The following GPC5 variants were observed in gnomAD, a reference collection of about 807,000 sequenced individuals.
The protein encoded by GPC5 is glypican 5.
In GPC5, 47 loss-of-function variants were observed where a neutral mutation model predicts 53.9. That is an observed-to-expected ratio of 0.87 (90% CI 0.69 to 1.11). The LOEUF (loss-of-function observed/expected upper bound fraction) is 1.11, where lower values mean the gene tolerates loss of function less well. GPC5 is among the 50% of genes most tolerant of loss of function. GPC5 has a pLI of 0.00. For synonymous variants in GPC5, 286 were observed against 263.3 expected, an observed-to-expected ratio of 1.09 and a Z score of -0.84; for missense variants, 748 against 713.1, an observed-to-expected ratio of 1.05 and a Z score of -0.56.
intron 7 of GPC5, among the ~76,000 whole-genome samples, chr13:92,733,869 C>G (rs757419946): frequency 4.0e-5 from 6 of 151,612 alleles, no homozygotes; most frequent in Non-Finnish European, 8.9e-5. Context: ...AAATATGTCT[C>G]TATGCATTTT....
intron 2 of GPC5, among the ~76,000 whole-genome samples, chr13:91,630,814 G>C (rs1282331496): frequency 6.6e-6 from 1 of 152,050 alleles, no homozygotes; most frequent in Admixed American, 6.6e-5. Context: ...AAAGAAAGGG[G>C]GTCAAGAAGG....
At chr13:92,828,214 G>A (rs1276392906) in intron 7 of GPC5, among the ~76,000 whole-genome samples, 3 of 151,966 alleles carry the variant, frequency 2.0e-5, no homozygotes, top group African/African-American at 4.8e-5. Flanking sequence ...AGACGACTAC[G>A]TAGATTACAC....
At chr13:92,004,090 G>T (rs935368784) in intron 6 of GPC5, among the ~76,000 whole-genome samples, 1 of 152,022 alleles carries the variant, frequency 6.6e-6, no homozygotes, top group African/African-American at 2.4e-5. Flanking sequence ...TCAAGATTTT[G>T]TTACTGTAAA....
At chr13:91,625,870 A>T (rs544268745) in intron 2 of GPC5, among the ~76,000 whole-genome samples, 1 of 152,192 alleles carries the variant, frequency 6.6e-6, no homozygotes, top group South Asian at 2.1e-4. Flanking sequence ...TGGTATGTGA[A>T]CTTAAATATT....
chr13:92,727,348 C>G (rs932956907), intron 7 of GPC5, among the ~76,000 whole-genome samples: 13 of 151,446 alleles, frequency 8.6e-5, no homozygotes, highest in Non-Finnish European at 1.6e-4. Flanking sequence ...GTAACCAAAG[C>G]CAGATGTTGG....
chr13:91,635,748 A>G (rs1388814580), intron 2 of GPC5, among the ~76,000 whole-genome samples: 1 of 152,054 alleles, frequency 6.6e-6, no homozygotes, highest in Admixed American at 6.6e-5. Context: ...CCACTGATAC[A>G]CTGAAGCCAG....
intron 6 of GPC5, among the ~76,000 whole-genome samples, chr13:91,937,085 A>C (rs911626170): frequency 6.6e-6 from 1 of 152,088 alleles, no homozygotes; most frequent in Admixed American, 6.6e-5. Context: ...CACAACAGAC[A>C]AACACAGTAC....
chr13:91,626,711 G>A (rs1035211934), intron 2 of GPC5, among the ~76,000 whole-genome samples: 1 of 151,850 alleles, frequency 6.6e-6, no homozygotes, highest in Non-Finnish European at 1.5e-5. Context: ...GGGTACATGT[G>A]CACTACGTGC....
At chr13:92,335,972 A>G (rs1436429206) in intron 7 of GPC5, among the ~76,000 whole-genome samples, 1 of 152,158 alleles carries the variant, frequency 6.6e-6, no homozygotes, top group African/African-American at 2.4e-5. Flanking sequence ...GAGCCCTCCA[A>G]ACTGTTCCAA....
intron 7 of GPC5, among the ~76,000 whole-genome samples, chr13:92,752,841 G>A (rs1033801779): frequency 4.6e-5 from 7 of 152,144 alleles, no homozygotes; most frequent in African/African-American, 1.2e-4. Flanking sequence ...AGGGACCTAC[G>A]CCCAGGGAGT....
intron 6 of GPC5, among the ~76,000 whole-genome samples, chr13:92,109,671 T>C (rs2041541032): frequency 6.6e-6 from 1 of 152,178 alleles, no homozygotes; most frequent in Admixed American, 6.5e-5. Flanking sequence ...TCTTAAATTT[T>C]GTATATGTCT....
At chr13:91,403,408 G>A (rs1314526456) in intron 1 of GPC5, among the ~76,000 whole-genome samples, 1 of 152,194 alleles carries the variant, frequency 6.6e-6, no homozygotes, top group Non-Finnish European at 1.5e-5. Context: ...GTTTAATGAA[G>A]TGGGGCAATT....
intron 7 of GPC5, among the ~76,000 whole-genome samples, chr13:92,540,345 G>A (rs1302680332): frequency 3.3e-5 from 5 of 151,936 alleles, no homozygotes; most frequent in Non-Finnish European, 5.9e-5. Context: ...GGTGTTAGAT[G>A]ACTATAAATA....
chr13:92,700,542 T>C (rs919979983), intron 7 of GPC5, among the ~76,000 whole-genome samples: 2 of 152,058 alleles, frequency 1.3e-5, no homozygotes, highest in African/African-American at 4.8e-5. Context: ...AGCATCAATG[T>C]TCTTTACAAT....
chr13:92,121,813 T>A (rs1436148524), intron 6 of GPC5, among the ~76,000 whole-genome samples: 2 of 152,214 alleles, frequency 1.3e-5, no homozygotes, highest in African/African-American at 4.8e-5. Context: ...AATGGGATAG[T>A]GGCCAAGTGA....
At chr13:92,849,054 CT>C (rs1410849981) in intron 7 of GPC5, among the ~76,000 whole-genome samples, 1 of 152,008 alleles carries the variant, frequency 6.6e-6, no homozygotes, top group Non-Finnish European at 1.5e-5. Context: ...TTCATAAGAT[CT>C]TGTTGACCCA....
At chr13:92,174,365 CA>C (rs5805735) in intron 7 of GPC5, among the ~76,000 whole-genome samples, 71,795 of 138,756 alleles carry the variant, frequency 0.52, 17,878 homozygotes, top group South Asian at 0.74. Flanking sequence ...ACTAAAAACA[CA>C]AAAAAAAAAA....
At chr13:91,432,231 G>T (rs1450652410) in intron 1 of GPC5, among the ~76,000 whole-genome samples, 1 of 150,194 alleles carries the variant, frequency 6.7e-6, no homozygotes, top group Non-Finnish European at 1.5e-5. Flanking sequence ...GTGTGTGTGT[G>T]TGTGTGTGTG....
intron 7 of GPC5, among the ~76,000 whole-genome samples, chr13:92,644,522 A>G (rs1039833114): frequency 8.5e-5 from 13 of 152,162 alleles, no homozygotes; most frequent in African/African-American, 2.9e-4. Context: ...GTCCTACTGT[A>G]CAACTGTCCT....
Sources: gnomAD v4.1 joint callset for allele counts (sites outside exome capture counted in the v4.1 genomes callset) on GRCh38, gnomAD v4.1.1 for gene constraint, MANE v1.5 for transcripts, NCBI Gene and HGNC (gene_info 2026-07-23, HGNC 2026-07-21) for gene names.